The following WWC2 variants were observed in gnomAD, a reference collection of about 807,000 sequenced individuals.
The protein encoded by WWC2 is WW and C2 domain containing 2.
In WWC2, 101 loss-of-function variants were observed where a neutral mutation model predicts 138.5. The observed-to-expected ratio is 0.73, with a 90% CI of 0.62 to 0.86. WWC2 has a LOEUF of 0.86. Among genes scored for constraint, WWC2 ranks in the 40% least tolerant of loss-of-function variants. The pLI is 0.00. For missense variants in WWC2, 1,420 were observed against 1,419.4 expected (o/e 1.00, Z -0.01); for synonymous variants, 558 against 538.4 (o/e 1.04, Z -0.50).
chr4:183,207,055 ACCTT>A (rs1175053913), intron 2 of WWC2, among the ~76,000 whole-genome samples: 3 of 152,170 alleles, frequency 2.0e-5, no homozygotes, highest in Admixed American at 6.5e-5. Flanking sequence ...TGGCTGGGGC[ACCTT>A]CTGGAGGAGG....
Position 183,318,101 on chromosome 4 carries a change from AT to A in WWC2, c.*2377del, listed in dbSNP as rs1739497156. On this transcript the variant is annotated 3_prime_UTR_variant, in exon 23 of 23. Transcript: ENST00000403733. Reference sequence around the variant, plus strand: ...TATGAATTTTAATATTATAAATACTATTTTTAAAAGGTAGAATTTATTCGCA... The same window carrying A: ...TATGAATTTTAATATTATAAATACTATTTTAAAAGGTAGAATTTATTCGCA... The A allele has an allele frequency of 6.6e-6, 1 of 152,222 alleles. No individual in the cohort carries two copies. The highest frequency in any genetic ancestry group is 6.5e-5 in the Admixed American group (1 of 15,282). The allele number at this position is 152,222 out of a possible 1,614,324, so 9.4% of individuals were successfully genotyped here.
chr4:183,288,387 C>A (rs1015591179), intron 20 of WWC2, among the ~76,000 whole-genome samples: 3 of 152,172 alleles, frequency 2.0e-5, no homozygotes, highest in Non-Finnish European at 2.9e-5. Context: ...TATTAGTGAT[C>A]ACTTATTTTG....
At chr4:183,154,109 G>A (rs1279316903) in intron 1 of WWC2, among the ~76,000 whole-genome samples, 1 of 150,444 alleles carries the variant, frequency 6.6e-6, no homozygotes, top group Non-Finnish European at 1.5e-5. Context: ...AAATTTCTGG[G>A]TTAATTTTTA....
chr4:183,160,754 G>A (rs1213518993), intron 1 of WWC2, among the ~76,000 whole-genome samples: 6 of 152,198 alleles, frequency 3.9e-5, no homozygotes, highest in African/African-American at 1.4e-4. Context: ...GGCGTGAGTT[G>A]ATTAATCTGT....
chr4:183,265,987 T>C (rs757364886), intron 14 of WWC2, 36 bp downstream of exon 14: 10 of 1,551,626 alleles, frequency 6.4e-6, no homozygotes, highest in Non-Finnish European at 8.8e-6. Context: ...TTGAGGAACT[T>C]AAACATTTCC....
intron 1 of WWC2, among the ~76,000 whole-genome samples, chr4:183,110,551 A>G (rs1208041486): frequency 1.3e-5 from 2 of 151,670 alleles, no homozygotes; most frequent in Non-Finnish European, 1.5e-5. Context: ...GTCATGCACT[A>G]ACAGAGTTAT....
rs762467674 is a variant in WWC2, at chr4:183,315,956, A to T, written c.*227A>T. On this transcript the variant is annotated 3_prime_UTR_variant, in exon 23 of 23. Transcript: ENST00000403733. ...GAAAAAATCATATAAGAAAGATGGG[A>T]TAACCTGGTACACAAATGTTGCCCA... is the stretch of plus-strand genomic sequence containing the variant. 9.3e-6 allele frequency: 4 copies of T among 429,464 alleles called. No homozygotes were observed. The highest frequency in any genetic ancestry group is 4.0e-5 in the Admixed American group (1 of 25,262). 26.6% of individuals were successfully genotyped at this position (429,464 alleles called of 1,614,324 possible).
intron 1 of WWC2, among the ~76,000 whole-genome samples, chr4:183,116,348 G>A (rs183330430): frequency 1.3e-5 from 2 of 152,178 alleles, no homozygotes; most frequent in Non-Finnish European, 2.9e-5. Flanking sequence ...TGTCTGTCTT[G>A]TTCACTACTG....
chr4:183,111,509 T>G (rs1579946981), intron 1 of WWC2, among the ~76,000 whole-genome samples: 1 of 151,984 alleles, frequency 6.6e-6, no homozygotes, highest in South Asian at 2.1e-4. Flanking sequence ...TCTTTGAAAC[T>G]GTGACAGTGA....
chr4:183,172,636 T>C (rs1053828879), intron 1 of WWC2, among the ~76,000 whole-genome samples: 1 of 151,964 alleles, frequency 6.6e-6, no homozygotes, highest in African/African-American at 2.4e-5. Flanking sequence ...TTTTGGGTTT[T>C]GTTTTTGCCC....
chr4:183,252,901 G>A (rs1286165451), intron 8 of WWC2, among the ~76,000 whole-genome samples: 1 of 152,114 alleles, frequency 6.6e-6, no homozygotes, highest in Non-Finnish European at 1.5e-5. Context: ...CCAGGGTCTT[G>A]CTCTGTCACC....
intron 2 of WWC2, among the ~76,000 whole-genome samples, chr4:183,197,223 C>T (rs75921860): frequency 0.013 from 1,977 of 152,240 alleles, 46 homozygotes; most frequent in African/African-American, 0.044. Context: ...TGCTATTTTG[C>T]TGTAATGGTA....
At chr4:183,113,571 G>C (rs1732319380) in intron 1 of WWC2, among the ~76,000 whole-genome samples, 1 of 151,392 alleles carries the variant, frequency 6.6e-6, no homozygotes, top group Non-Finnish European at 1.5e-5. Flanking sequence ...ACTCATTTTT[G>C]TTTGTTGGTA....
intron 9 of WWC2, among the ~76,000 whole-genome samples, chr4:183,257,433 G>T (rs150635859): frequency 2.5e-3 from 383 of 152,250 alleles, no homozygotes; most frequent in Admixed American, 4.0e-3. Context: ...AGGTGTGAAG[G>T]CCCACACTTC....
chr4:183,143,256 GA>G lies in WWC2; in HGVS notation c.131+43642del, dbSNP rs556722964. On this transcript the variant is annotated intron_variant, in intron 1 of 22. Coordinates refer to ENST00000403733, the MANE Select transcript of WWC2 (RefSeq NM_024949.6). ...AGCCAAACTCTTTGACATTTTGCCA[GA>G]AAAAAAACTGCATCAGTGATGGCGT... Among the ~76,000 whole-genome samples, 18 of 152,042 alleles carry G rather than the reference GA, an allele frequency of 1.2e-4. No homozygotes were observed. The South Asian group carries it at 2.9e-3, about 25-fold the overall frequency.
chr4:183,147,793 A>G lies in WWC2; in HGVS notation c.132-45806A>G, dbSNP rs143081627. Among the ~76,000 whole-genome samples the G allele has an allele frequency of 6.7e-3, 1,017 of 152,336 alleles. 12 individuals carry two copies. Among genetic ancestry groups the G allele is most frequent in the African/African-American group, 0.023 (959 of 41,570 alleles). ...AAGTTCTGTGTTTTGAAATGCCATA[A>G]AGACAAAACATAAAAGCATATCAAG... On this transcript the variant is annotated intron_variant, in intron 1 of 22. Transcript: ENST00000403733.
chr4:183,238,225 C>T (rs1208808778), intron 4 of WWC2, among the ~76,000 whole-genome samples: 5 of 152,196 alleles, frequency 3.3e-5, no homozygotes, highest in African/African-American at 7.2e-5. Context: ...ACCCTGCTGG[C>T]AAGCCAAAAT....
rs141793501 is a variant in WWC2 at position 183,207,701 on chromosome 4, G to C, written c.242-252G>C. Among the ~76,000 whole-genome samples the C allele has an allele frequency of 3.4e-3, 516 of 152,272 alleles. 1 individual carries two copies. The highest frequency in any genetic ancestry group is 5.6e-3 in the Non-Finnish European group (384 of 68,022). ...GGCACTGGGGAGCCACAGAATTCTT[G>C]AATGATCTGATTGACAACATTGTGT... On this transcript the variant is annotated intron_variant, in intron 2 of 22. Coordinates refer to ENST00000403733, the MANE Select transcript of WWC2 (RefSeq NM_024949.6).
Position 183,319,672 on chromosome 4 carries a change from G to A in WWC2, c.*3943G>A. 6.2e-7 allele frequency: 1 copy of A among 1,614,124 alleles called. No individual in the cohort carries two copies. Among genetic ancestry groups the A allele is most frequent in the Non-Finnish European group, 8.5e-7 (1 of 1,180,018 alleles). ...TGGCTGGAGCAGGCTGCACAGTGGAGCAGACACCCTCCTAGCAGAAGAGAA... is the reference window on the plus strand; with the variant it reads ...TGGCTGGAGCAGGCTGCACAGTGGAACAGACACCCTCCTAGCAGAAGAGAA... On this transcript the variant is annotated 3_prime_UTR_variant, in exon 23 of 23. Transcript: ENST00000403733.
Sources: allele counts gnomAD v4.1 joint callset (sites outside exome capture counted in the v4.1 genomes callset), GRCh38; gene constraint gnomAD v4.1.1; transcripts MANE v1.5; gene names NCBI Gene and HGNC (gene_info 2026-07-23, HGNC 2026-07-21).